The following TSNAX variants were observed in gnomAD, a reference collection of about 807,000 sequenced individuals.
TSNAX encodes translin associated factor X.
Under a neutral mutation model 33.0 loss-of-function variants are expected in TSNAX, and 12 were observed. That is an observed-to-expected ratio of 0.36 (90% CI 0.23 to 0.59). The LOEUF is 0.59. Among genes scored for constraint, TSNAX ranks in the 20% least tolerant of loss-of-function variants. The pLI is 0.74. For missense variants in TSNAX, 267 were observed against 341.3 expected (o/e 0.78, Z 1.72); for synonymous variants, 110 against 117.2 (o/e 0.94, Z 0.40).
At chr1:231,554,225 T>A (rs191178208) in intron 4 of TSNAX, among the ~76,000 whole-genome samples, 1 of 152,298 alleles carries the variant, frequency 6.6e-6, no homozygotes, top group Non-Finnish European at 1.5e-5. Flanking sequence ...CTTCATCAGT[T>A]TGAACACTAA....
chr1:231,533,747 C>G (rs1658950073), intron 2 of TSNAX, among the ~76,000 whole-genome samples: 1 of 152,172 alleles, frequency 6.6e-6, no homozygotes. Flanking sequence ...ATTATTCTCT[C>G]TATATATGTA....
At chr1:231,558,352 G>C (rs1342398140) in intron 4 of TSNAX, among the ~76,000 whole-genome samples, 1 of 152,106 alleles carries the variant, frequency 6.6e-6, no homozygotes, top group East Asian at 1.9e-4. Context: ...CAGGCAGAGA[G>C]CTCTTTACAG....
chr1:231,552,779 C>A (rs1443347877), intron 4 of TSNAX, among the ~76,000 whole-genome samples: 1 of 152,202 alleles, frequency 6.6e-6, no homozygotes, highest in Non-Finnish European at 1.5e-5. Flanking sequence ...CCCCTGGTCA[C>A]CACTAATCTA....
rs1259484869 is a variant in TSNAX at position 231,547,842 on chromosome 1, T to A, written c.367+5231T>A. On this transcript the variant is annotated intron_variant, in intron 4 of 5. Transcript: ENST00000366639. ...CAAGGAACAAAAAACCATTGCTTTCTTTTTTTTTTTTTTTTTTTGAGACAG... is the reference window on the plus strand; with the variant it reads ...CAAGGAACAAAAAACCATTGCTTTCATTTTTTTTTTTTTTTTTTGAGACAG... Among the ~76,000 whole-genome samples, 3 of 42,378 alleles carry A rather than the reference T, an allele frequency of 7.1e-5. No individual in the cohort carries two copies. The East Asian group carries it at 2.8e-3, about 39-fold the overall frequency. The allele number at this position is 42,378 out of a possible 152,430, so 27.8% of individuals were successfully genotyped here.
At chr1:231,553,790 G>A (rs748284214) in intron 4 of TSNAX, among the ~76,000 whole-genome samples, 11 of 150,982 alleles carry the variant, frequency 7.3e-5, no homozygotes, top group Admixed American at 5.3e-4. Context: ...AGGTTCAAGC[G>A]ATTCTTTTGC....
chr1:231,529,439 C>G, intron 2 of TSNAX, 80 bp downstream of exon 2: 2 of 1,399,742 alleles, frequency 1.4e-6, no homozygotes, highest in East Asian at 2.3e-5. Flanking sequence ...AAAACAGTCC[C>G]TAAGAATTTA....
chr1:231,560,698 G>A (rs894351028), intron 4 of TSNAX, among the ~76,000 whole-genome samples: 2 of 152,106 alleles, frequency 1.3e-5, no homozygotes, highest in Non-Finnish European at 2.9e-5. Flanking sequence ...GATTACAGGC[G>A]TGAGCCACCG....
chr1:231,558,809 CTG>C (rs1283529934), intron 4 of TSNAX, among the ~76,000 whole-genome samples: 2 of 152,024 alleles, frequency 1.3e-5, no homozygotes, highest in Non-Finnish European at 2.9e-5. Flanking sequence ...ATGACATCAT[CTG>C]TTTTGTTAAA....
chr1:231,540,077 G>C (rs1659468009), intron 3 of TSNAX, among the ~76,000 whole-genome samples: 1 of 151,276 alleles, frequency 6.6e-6, no homozygotes, highest in South Asian at 2.1e-4. Flanking sequence ...GGGAGGCTGA[G>C]GCAGGAGAAT....
At chr1:231,553,315 C>T (rs901193368) in intron 4 of TSNAX, among the ~76,000 whole-genome samples, 4 of 152,068 alleles carry the variant, frequency 2.6e-5, no homozygotes, top group African/African-American at 9.7e-5. Context: ...AATCAGAAGC[C>T]TTTAACTGGG....
intron 4 of TSNAX, among the ~76,000 whole-genome samples, chr1:231,552,900 A>G (rs189504647): frequency 1.8e-4 from 28 of 152,324 alleles, no homozygotes; most frequent in African/African-American, 6.7e-4. Context: ...GAGTTCAGCT[A>G]TGTCATAGCA....
In TSNAX at chr1:231,550,815, A is replaced by T. The variant is rs554459267; in HGVS notation, c.367+8204A>T. Among the ~76,000 whole-genome samples, 7 of 152,282 alleles carry T rather than the reference A, an allele frequency of 4.6e-5. No individual in the cohort carries two copies. The East Asian group carries it at 1.4e-3, about 29-fold the overall frequency. ...GGGCAAGCCTGTGTGAATCCCCTAC[A>T]TTGGCAGGAACCCAGTTGCCTGATA... On this transcript the variant is annotated intron_variant, in intron 4 of 5. Coordinates refer to ENST00000366639, the MANE Select transcript of TSNAX (RefSeq NM_005999.3).
intron 4 of TSNAX, among the ~76,000 whole-genome samples, chr1:231,558,487 A>G (rs1019970842): frequency 1.6e-4 from 25 of 152,326 alleles, no homozygotes; most frequent in African/African-American, 5.8e-4. Flanking sequence ...AAAATTGACA[A>G]GTGATACAGC....
At chr1:231,536,531 C>A (rs2124888323) in intron 2 of TSNAX, 1 of 152,286 alleles carries the variant, frequency 6.6e-6, no homozygotes, top group East Asian at 1.9e-4. Context: ...TTTAGAAAAT[C>A]TTCAAGGATT....
chr1:231,528,778 G>C lies in TSNAX; in HGVS notation c.-33G>C. 5 of 1,614,092 alleles carry C rather than the reference G, an allele frequency of 3.1e-6. No homozygotes were observed. Among genetic ancestry groups the C allele is most frequent in the Non-Finnish European group, 4.2e-6 (5 of 1,180,018 alleles). On this transcript the variant is annotated 5_prime_UTR_variant, in exon 1 of 6. Transcript: ENST00000366639. ...CACTCCTCTTGCTCCAGGTCCTTCA[G>C]TCTCCGCTCGTCTCACCGTAGGCTG...
intron 2 of TSNAX, chr1:231,534,148 A>T (rs911624382): frequency 6.6e-6 from 1 of 152,186 alleles, no homozygotes; most frequent in Non-Finnish European, 1.5e-5. Flanking sequence ...CTTAGATTTG[A>T]TTAATATTTT....
intron 2 of TSNAX, chr1:231,535,762 T>G (rs1659124070): frequency 6.6e-6 from 1 of 152,092 alleles, no homozygotes; most frequent in Admixed American, 6.5e-5. Context: ...AGGAGACAAA[T>G]GTATGAAAAT....
chr1:231,536,328 C>T (rs1659169655), intron 2 of TSNAX: 1 of 151,988 alleles, frequency 6.6e-6, no homozygotes, highest in Admixed American at 6.6e-5. Flanking sequence ...CATGGTAAAA[C>T]AGTAAATTTG....
At chr1:231,560,849 G>A (rs560336511) in intron 4 of TSNAX, among the ~76,000 whole-genome samples, 38 of 152,154 alleles carry the variant, frequency 2.5e-4, no homozygotes, top group African/African-American at 9.2e-4. Flanking sequence ...TAGTAGAGTT[G>A]GGGTTTTACT....
Sources: allele counts gnomAD v4.1 joint callset (sites outside exome capture counted in the v4.1 genomes callset), GRCh38; gene constraint gnomAD v4.1.1; transcripts MANE v1.5; gene names NCBI Gene and HGNC (gene_info 2026-07-23, HGNC 2026-07-21).